The following ITPR1 variants were observed in gnomAD, a reference collection of about 807,000 sequenced individuals.
The protein encoded by ITPR1 is inositol 1,4,5-trisphosphate-gated calcium channel ITPR1.
In ITPR1, 96 loss-of-function variants were observed where a neutral mutation model predicts 318.4. That is an observed-to-expected ratio of 0.30 (90% CI 0.26 to 0.36). ITPR1 has a LOEUF of 0.36. Among genes scored for constraint, ITPR1 ranks in the 10% least tolerant of loss-of-function variants. ITPR1 has a pLI of 1.00. For missense variants in ITPR1, 2,440 were observed against 3,460.2 expected, an observed-to-expected ratio of 0.71 and a Z score of 7.40; for synonymous variants, 1,312 against 1,289.9, an observed-to-expected ratio of 1.02 and a Z score of -0.37.
chr3:4,760,414 C>T (rs2045354519), intron 44 of ITPR1, among the ~76,000 whole-genome samples: 1 of 152,146 alleles, frequency 6.6e-6, no homozygotes, highest in Non-Finnish European at 1.5e-5. Context: ...TTTCTGTTAT[C>T]TTTTTTTAAT....
chr3:4,690,853 A>G (rs1248300598), intron 31 of ITPR1, among the ~76,000 whole-genome samples: 1 of 152,262 alleles, frequency 6.6e-6, no homozygotes, highest in African/African-American at 2.4e-5. Context: ...GAGATAAGGC[A>G]TAAAGGAGAC....
chr3:4,586,004 G>A (rs1383967167), intron 4 of ITPR1, among the ~76,000 whole-genome samples: 2 of 149,572 alleles, frequency 1.3e-5, no homozygotes, highest in African/African-American at 4.9e-5. Context: ...CCACTTATGA[G>A]TGAGAACATG....
chr3:4,667,538 C>T lies in ITPR1; in HGVS notation c.1875C>T (p.Asn625=), dbSNP rs775175141. 1.4e-5 allele frequency: 22 copies of T among 1,612,762 alleles called. 1 individual carries two copies. The highest frequency in any genetic ancestry group is 1.3e-4 in the African/African-American group (10 of 74,884). ...IDTFVSLVRK[N]REPRFLDYLS... is the part of the protein sequence containing the mutation. Reference sequence around the variant, plus strand: ...CATTTGTCAGCCTGGTGCGAAAGAACAGGGAGCCCAGGTGAGGCGGGAGTG... The same window carrying T: ...CATTTGTCAGCCTGGTGCGAAAGAATAGGGAGCCCAGGTGAGGCGGGAGTG... The change falls in exon 18 of 62, where the codon AAC becomes AAT. Residue 625 remains asparagine, a synonymous_variant. Coordinates refer to ENST00000649015, the MANE Select transcript of ITPR1 (RefSeq NM_001378452.1).
intron 4 of ITPR1, among the ~76,000 whole-genome samples, chr3:4,601,817 A>G (rs1357548794): frequency 1.3e-5 from 2 of 152,258 alleles, no homozygotes; most frequent in Non-Finnish European, 2.9e-5. Flanking sequence ...TGGGACCAGT[A>G]TATAGAGTAT....
chr3:4,651,704 G>A (rs2125170673), intron 10 of ITPR1, among the ~76,000 whole-genome samples: 1 of 152,252 alleles, frequency 6.6e-6, no homozygotes, highest in Middle Eastern at 3.4e-3. Context: ...CATTGGCCCC[G>A]GCTCTGAGTT....
chr3:4,602,291 G>T (rs2125084257), intron 4 of ITPR1, among the ~76,000 whole-genome samples: 1 of 152,260 alleles, frequency 6.6e-6, no homozygotes, highest in East Asian at 1.9e-4. Context: ...AGGCCAAGGT[G>T]GGTGGATTGC....
intron 55 of ITPR1, among the ~76,000 whole-genome samples, chr3:4,807,960 T>C (rs767890300): frequency 1.3e-5 from 2 of 152,224 alleles, no homozygotes; most frequent in Non-Finnish European, 2.9e-5. Flanking sequence ...GCCCCTTTGG[T>C]CAACGCCACC....
At chr3:4,738,842 C>A (rs1336615151) in intron 44 of ITPR1, among the ~76,000 whole-genome samples, 1 of 152,138 alleles carries the variant, frequency 6.6e-6, no homozygotes. Context: ...GGGATGTTTT[C>A]TCTTGGGGGA....
rs138057778 is a variant in ITPR1 at position 4,779,227 on chromosome 3, G to A, written c.6292-323G>A. Among the ~76,000 whole-genome samples, 1,036 of 152,382 alleles carry A rather than the reference G, an allele frequency of 6.8e-3. 9 individuals carry two copies. Among genetic ancestry groups the A allele is most frequent in the Admixed American group, 0.011 (162 of 15,308 alleles). On this transcript the variant is annotated intron_variant, in intron 48 of 61. Coordinates refer to ENST00000649015, the MANE Select transcript of ITPR1 (RefSeq NM_001378452.1). This position sits in a 1 kb window ranked among gnomAD's most constrained non-coding sequence, Gnocchi z 4.0. ...AACCACTGTCACCATGAGGGTGACA[G>A]TGTATCCGTAAGCACCCACGTGTAA...
At chr3:4,670,646 ATG>A in intron 19 of ITPR1, 81 bp from the exon 20 acceptor site, 1 of 1,019,546 alleles carries the variant, frequency 9.8e-7, no homozygotes, top group Non-Finnish European at 1.5e-6. Flanking sequence ...GTGTCTTTCC[ATG>A]TGTCTTTATG....
At chr3:4,716,579 C>T (rs1361917347) in intron 39 of ITPR1, among the ~76,000 whole-genome samples, 1 of 152,148 alleles carries the variant, frequency 6.6e-6, no homozygotes, top group Non-Finnish European at 1.5e-5. Flanking sequence ...TATTAATTAC[C>T]AAAGCGTCTT....
At chr3:4,700,269 G>C (rs902786764) in intron 35 of ITPR1, among the ~76,000 whole-genome samples, 4 of 152,222 alleles carry the variant, frequency 2.6e-5, no homozygotes, top group African/African-American at 9.6e-5. Flanking sequence ...CTGACACAGA[G>C]TAGGTGCTTT....
At chr3:4,706,718 T>A (rs1003519226) in intron 37 of ITPR1, among the ~76,000 whole-genome samples, 3 of 152,148 alleles carry the variant, frequency 2.0e-5, no homozygotes, top group African/African-American at 7.2e-5. Context: ...AATCAGCAGG[T>A]GAACAAGGGT....
chr3:4,577,361 G>C (rs1187532771), intron 4 of ITPR1, among the ~76,000 whole-genome samples: 1 of 152,208 alleles, frequency 6.6e-6, no homozygotes, highest in Admixed American at 6.5e-5. Context: ...CAGGGCTCTT[G>C]TTAAAAATAC....
Position 4,826,234 on chromosome 3 carries a change from A to C in ITPR1, c.8028+7992A>C, listed in dbSNP as rs1331722609. Among the ~76,000 whole-genome samples, 1 of 152,188 alleles carries C rather than the reference A, an allele frequency of 6.6e-6. No homozygotes were observed. Among genetic ancestry groups the C allele is most frequent in the Non-Finnish European group, 1.5e-5 (1 of 68,032 alleles). On this transcript the variant is annotated intron_variant, in intron 60 of 61. Transcript: ENST00000649015. The surrounding 1 kb of genome is among the most constrained non-coding windows in gnomAD (Gnocchi z 4.2). ...CCAGTGAGGATGCTGGCAGGAAGGG[A>C]GTGCCTAGGTATGTTCCTAGAATAT...
chr3:4,807,028 A>G (rs1467015799), intron 55 of ITPR1, among the ~76,000 whole-genome samples: 3 of 151,520 alleles, frequency 2.0e-5, no homozygotes, highest in African/African-American at 7.3e-5. Context: ...AATATTTGTG[A>G]GGACAAAAAT....
At chr3:4,536,074 TC>T (rs1185519962) in intron 4 of ITPR1, among the ~76,000 whole-genome samples, 1 of 152,190 alleles carries the variant, frequency 6.6e-6, no homozygotes, top group East Asian at 1.9e-4. Flanking sequence ...TTTTGTAATT[TC>T]AGGACAAAGA....
intron 44 of ITPR1, among the ~76,000 whole-genome samples, chr3:4,748,771 G>A (rs1013686186): frequency 2.6e-5 from 4 of 152,148 alleles, no homozygotes; most frequent in Non-Finnish European, 5.9e-5. Context: ...AAGAGAACGC[G>A]GTGTTTTAAC....
At chr3:4,615,652 C>T (rs2092359466) in intron 4 of ITPR1, among the ~76,000 whole-genome samples, 1 of 152,162 alleles carries the variant, frequency 6.6e-6, no homozygotes, top group Non-Finnish European at 1.5e-5. Flanking sequence ...GCTGGGATTA[C>T]AGGAGTGAGC....
Sources: gnomAD v4.1 joint callset for allele counts (sites outside exome capture counted in the v4.1 genomes callset) on GRCh38, gnomAD v4.1.1 for gene constraint, Gnocchi (gnomAD v3.1) non-coding constraint, MANE v1.5 for transcripts, NCBI Gene and HGNC (gene_info 2026-07-23, HGNC 2026-07-21) for gene names.